The following FNBP1 variants were observed in gnomAD, a reference collection of about 807,000 sequenced individuals.
The protein encoded by FNBP1 is formin-binding protein 1.
In FNBP1, 26 loss-of-function variants were observed where a neutral mutation model predicts 90.6. The observed-to-expected ratio is 0.29, with a 90% CI of 0.21 to 0.40. The LOEUF is 0.40. Ranked by LOEUF, FNBP1 falls within the 10% of genes least tolerant of loss-of-function variation. The probability of loss-of-function intolerance (pLI) is 1.00; values close to 1 mark genes in which losing one functional copy is unlikely to be tolerated. For synonymous variants in FNBP1, 260 were observed against 265.2 expected (o/e 0.98, Z 0.19); for missense variants, 635 against 768.0 (o/e 0.83, Z 2.05).
intron 12 of FNBP1, among the ~76,000 whole-genome samples, chr9:129,908,608 A>C (rs1157803643): frequency 1.3e-5 from 2 of 151,882 alleles, no homozygotes; most frequent in Non-Finnish European, 2.9e-5. Flanking sequence ...GCTGGAGTGA[A>C]GTGGCATGAT....
chr9:129,992,108 A>G (rs2053258282), intron 2 of FNBP1, among the ~76,000 whole-genome samples: 1 of 152,194 alleles, frequency 6.6e-6, no homozygotes, highest in South Asian at 2.1e-4. Context: ...AGGAGAGTAC[A>G]GACTGGGAAG....
chr9:129,958,448 A>AT (rs2047278725), intron 5 of FNBP1, 43 bp downstream of exon 5: 8 of 1,511,148 alleles, frequency 5.3e-6, no homozygotes, highest in South Asian at 1.3e-5. Flanking sequence ...AAAGAAAAAA[A>AT]AATCTATAAA....
At chr9:129,976,893 C>T (rs779262871) in intron 4 of FNBP1, among the ~76,000 whole-genome samples, 1 of 151,724 alleles carries the variant, frequency 6.6e-6, no homozygotes, top group South Asian at 2.1e-4. Context: ...TGGCTGGGCT[C>T]GGTGGCTCAC....
chr9:129,968,725 T>C (rs1202517519), intron 4 of FNBP1, among the ~76,000 whole-genome samples: 1 of 152,350 alleles, frequency 6.6e-6, no homozygotes, highest in Non-Finnish European at 1.5e-5. Context: ...CTAAGTAATG[T>C]GGAGTCTGTA....
chr9:130,053,641 G>A, the FNBP1 span: 9 of 464,170 alleles, frequency 1.9e-5, no homozygotes, highest in Middle Eastern at 6.0e-4. Flanking sequence ...AAAGCTCAGC[G>A]AGGCGGAGGT....
At chr9:130,049,098 T>C in the FNBP1 span, among the ~76,000 whole-genome samples, 4 of 151,756 alleles carry the variant, frequency 2.6e-5, no homozygotes, top group African/African-American at 9.7e-5. Context: ...TTCTTTAAAA[T>C]GTAAATATGG....
At chr9:130,000,717 G>A (rs2054705712) in intron 1 of FNBP1, among the ~76,000 whole-genome samples, 1 of 152,060 alleles carries the variant, frequency 6.6e-6, no homozygotes, top group African/African-American at 2.4e-5. Flanking sequence ...TTTAAAGCTA[G>A]AATTTTATCA....
chr9:129,899,806 A>G (rs1432987440), intron 15 of FNBP1, among the ~76,000 whole-genome samples, 159 bp downstream of exon 15: 2 of 129,298 alleles, frequency 1.5e-5, no homozygotes, highest in African/African-American at 6.5e-5. Context: ...AAGGAAGGGG[A>G]AGGGGAAGGG....
intron 1 of FNBP1, among the ~76,000 whole-genome samples, chr9:130,010,970 G>A (rs1002245038): frequency 1.3e-5 from 2 of 151,084 alleles, no homozygotes; most frequent in African/African-American, 2.4e-5. Context: ...GCCTTTCAGA[G>A]GGAGGGATTT....
At chr9:130,032,502 C>A (rs2058895265) in intron 1 of FNBP1, among the ~76,000 whole-genome samples, 1 of 152,168 alleles carries the variant, frequency 6.6e-6, no homozygotes. Flanking sequence ...AAAAGTCAGT[C>A]ATGGTGAAGA....
At chr9:130,047,730 C>T (rs963102169), upstream of FNBP1, among the ~76,000 whole-genome samples, 9 of 151,804 alleles carry the variant, frequency 5.9e-5, no homozygotes, top group East Asian at 1.9e-4. Context: ...GTATTAGCAA[C>T]GAAATAAGGT....
intron 11 of FNBP1, among the ~76,000 whole-genome samples, chr9:129,914,757 C>G (rs7875866): frequency 0.055 from 5,964 of 109,360 alleles, 752 homozygotes; most frequent in African/African-American, 0.089. Flanking sequence ...ATACATATGT[C>G]TATATATATA....
intron 7 of FNBP1, among the ~76,000 whole-genome samples, chr9:129,928,172 C>A (rs1307697876): frequency 6.6e-6 from 1 of 152,150 alleles, no homozygotes; most frequent in Non-Finnish European, 1.5e-5. Context: ...AATGGAAGAA[C>A]ATATGTCTAT....
chr9:129,962,896 C>T (rs764727362), intron 4 of FNBP1, among the ~76,000 whole-genome samples: 6 of 152,122 alleles, frequency 3.9e-5, no homozygotes, highest in Non-Finnish European at 8.8e-5. Flanking sequence ...AGGGAGGACC[C>T]CCCAGAGACC....
chr9:129,917,698 A>G (rs1250691616), intron 10 of FNBP1, among the ~76,000 whole-genome samples: 1 of 152,202 alleles, frequency 6.6e-6, no homozygotes, highest in Non-Finnish European at 1.5e-5. Flanking sequence ...ATAAAAAATA[A>G]CCTTTTAAAT....
In FNBP1 at chr9:130,042,066, G is replaced by A. The variant is rs893826088; in HGVS notation, c.24+886C>T. ...CCCAGTGATTTCCCCAGGAATCCGGGGACGGCAGGAAAAGAGCTCCATCCA... is the reference window on the plus strand; with the variant it reads ...CCCAGTGATTTCCCCAGGAATCCGGAGACGGCAGGAAAAGAGCTCCATCCA... On this transcript the variant is annotated intron_variant, in intron 1 of 16. Coordinates refer to ENST00000446176, the MANE Select transcript of FNBP1 (RefSeq NM_015033.3). The surrounding 1 kb of genome is among the most constrained non-coding windows in gnomAD (Gnocchi z 5.5). Among the ~76,000 whole-genome samples, 1 of 152,126 alleles carries A rather than the reference G, an allele frequency of 6.6e-6. No individual in the cohort carries two copies. Among genetic ancestry groups the A allele is most frequent in the African/African-American group, 2.4e-5 (1 of 41,510 alleles).
At chr9:130,040,165 A>G (rs1415710229) in intron 1 of FNBP1, among the ~76,000 whole-genome samples, 1 of 152,082 alleles carries the variant, frequency 6.6e-6, no homozygotes, top group Non-Finnish European at 1.5e-5. Flanking sequence ...TCATTATTCT[A>G]GTTTTTTTAA....
intron 1 of FNBP1, among the ~76,000 whole-genome samples, chr9:130,039,475 G>C (rs1041949961): frequency 6.6e-6 from 1 of 152,094 alleles, no homozygotes; most frequent in Non-Finnish European, 1.5e-5. Context: ...AGGAGTTCGA[G>C]ACCAGCCTGG....
intron 8 of FNBP1, among the ~76,000 whole-genome samples, chr9:129,926,706 G>T (rs942404761): frequency 6.7e-6 from 1 of 150,354 alleles, no homozygotes; most frequent in African/African-American, 2.5e-5. Flanking sequence ...GGCCAATATG[G>T]TGAAACCCCG....
Sources: gnomAD v4.1 joint callset for allele counts (sites outside exome capture counted in the v4.1 genomes callset) on GRCh38, gnomAD v4.1.1 for gene constraint, Gnocchi (gnomAD v3.1) non-coding constraint, MANE v1.5 for transcripts, NCBI Gene and HGNC (gene_info 2026-07-23, HGNC 2026-07-21) for gene names.